Variants in MTG1 observed in about 807,000 individuals in gnomAD.
The protein encoded by MTG1 is mitochondrial ribosome-associated GTPase 1.
Under a neutral mutation model 39.5 loss-of-function variants are expected in MTG1, and 30 were observed. The observed-to-expected ratio is 0.76, with a 90% CI of 0.57 to 1.03. The LOEUF (loss-of-function observed/expected upper bound fraction) is 1.03, where lower values mean the gene tolerates loss of function less well. MTG1 is among the 50% of genes least tolerant of loss of function. The probability of loss-of-function intolerance (pLI) is 0.00; values close to 1 mark genes in which losing one functional copy is unlikely to be tolerated. For missense variants in MTG1, 513 were observed against 447.4 expected (o/e 1.15, Z -1.32); for synonymous variants, 217 against 179.0 (o/e 1.21, Z -1.69).
chr10:133,398,457 G>GA lies in MTG1; in HGVS notation c.306dup (p.Glu103ArgfsTer15). ...CAGAAAATTATGCAACACTTAGAAG[G>GA]AGAAGGCCTAAAAAATGTCATTTTT... On this transcript the variant is annotated frameshift_variant, in exon 4 of 11. Coordinates refer to ENST00000317502, the MANE Select transcript of MTG1 (RefSeq NM_138384.4). LOFTEE classifies it high-confidence loss of function. The GA allele has an allele frequency of 1.2e-6, 2 of 1,613,132 alleles. No individual in the cohort carries two copies. Among genetic ancestry groups the GA allele is most frequent in the Non-Finnish European group, 1.7e-6 (2 of 1,179,798 alleles).
intron 9 of MTG1, among the ~76,000 whole-genome samples, chr10:133,411,850 C>T (rs1850051873): frequency 6.7e-6 from 1 of 150,204 alleles, no homozygotes; most frequent in African/African-American, 2.5e-5. Context: ...AGTTGTTTTT[C>T]TGTGTTTTAT....
At chr10:133,413,170 G>A (rs1241801250) in intron 9 of MTG1, among the ~76,000 whole-genome samples, 1 of 152,144 alleles carries the variant, frequency 6.6e-6, no homozygotes, top group East Asian at 1.9e-4. Context: ...GAGTGCAGAG[G>A]TACAATGTTG....
At position 133,402,051 on chromosome 10, in the gene MTG1, G is replaced by A. The variant is rs1041433638; in HGVS notation, c.574-98G>A. 66 of 1,464,368 alleles carry A rather than the reference G, an allele frequency of 4.5e-5. No individual in the cohort carries two copies. In the East Asian group the frequency reaches 7.1e-4, roughly 16 times the overall value. The allele number at this position is 1,464,368 out of a possible 1,614,324, so 90.7% of individuals were successfully genotyped here. On this transcript the variant is annotated intron_variant, in intron 7 of 10. Coordinates refer to ENST00000317502, the MANE Select transcript of MTG1 (RefSeq NM_138384.4). This position sits in a 1 kb window ranked among gnomAD's most constrained non-coding sequence, Gnocchi z 4.7. ...GGGTTGGGTCCCTGAGGCCTTCCTCGGAGCATTGGGTGCCAGGGGCTGCCC... is the reference window on the plus strand; with the variant it reads ...GGGTTGGGTCCCTGAGGCCTTCCTCAGAGCATTGGGTGCCAGGGGCTGCCC...
intron 4 of MTG1, among the ~76,000 whole-genome samples, 173 bp downstream of exon 4, chr10:133,398,688 T>C (rs529832627): frequency 4.5e-4 from 68 of 152,288 alleles, no homozygotes; most frequent in African/African-American, 1.6e-3. Flanking sequence ...CTCCCTGTAC[T>C]GAGGGCACAA....
At chr10:133,413,132 A>G (rs1362557435) in intron 9 of MTG1, among the ~76,000 whole-genome samples, 1 of 151,904 alleles carries the variant, frequency 6.6e-6, no homozygotes, top group Non-Finnish European at 1.5e-5. Flanking sequence ...TTTTTTTGAG[A>G]CAGAGTCTCA....
chr10:133,404,311 GA>G (rs1415327457), intron 9 of MTG1, among the ~76,000 whole-genome samples: 2 of 151,772 alleles, frequency 1.3e-5, no homozygotes, highest in East Asian at 1.9e-4. Context: ...ATTTTTTGTA[GA>G]GACAGGGTTT....
rs190130537 is a variant in MTG1 at position 133,396,185 on chromosome 10, C to G, written c.200C>G (p.Pro67Arg). ...CACATCCCACTTTCAGGCCGCAACC[C>G]TCTGTTTCAGGAAACCCTTGGGCTT... ...DARIPLSGRN[P>R]LFQETLGLKP... The change falls in exon 3 of 11, where the codon CCT becomes CGT. Residue 67 changes from proline to arginine, a missense_variant. Transcript: ENST00000317502. 68 of 1,614,172 alleles carry G rather than the reference C, an allele frequency of 4.2e-5. 1 individual carries two copies. The Admixed American group carries it at 1.1e-3, about 25-fold the overall frequency.
chr10:133,394,806 T>C, intron 1 of MTG1: 1 of 939,026 alleles, frequency 1.1e-6, no homozygotes, highest in Non-Finnish European at 1.3e-6. Context: ...ATTCTTACTG[T>C]TTGTCACAAT....
chr10:133,416,929 T>C (rs1350925757), intron 9 of MTG1, among the ~76,000 whole-genome samples: 1 of 152,016 alleles, frequency 6.6e-6, no homozygotes, highest in Non-Finnish European at 1.5e-5. Context: ...AGTAATGGGA[T>C]AGCTGGGTCA....
At chr10:133,395,928 T>A in intron 2 of MTG1, 151 bp downstream of exon 2, 1 of 870,340 alleles carries the variant, frequency 1.1e-6, no homozygotes, top group Non-Finnish European at 1.8e-6. Context: ...ACTGCGTGTC[T>A]TTGAAACTTC....
chr10:133,394,475 C>G lies in MTG1; in HGVS notation c.112+143C>G, dbSNP rs953872855. On this transcript the variant is annotated intron_variant, in intron 1 of 10. Coordinates refer to ENST00000317502, the MANE Select transcript of MTG1 (RefSeq NM_138384.4). ...CTCCTCCCTTGTCTCCCCTCCTTCC[C>G]CGCTCTCACCCGCTCCCGGAGCCGC... The G allele has an allele frequency of 2.9e-5, 39 of 1,337,786 alleles. No homozygotes were observed. In the African/African-American group the frequency reaches 4.9e-4, roughly 17 times the overall value. 82.9% of individuals were successfully genotyped at this position (1,337,786 alleles called of 1,614,324 possible).
chr10:133,403,852 C>T (rs1364892507), intron 9 of MTG1, among the ~76,000 whole-genome samples: 1 of 152,112 alleles, frequency 6.6e-6, no homozygotes, highest in East Asian at 1.9e-4. Flanking sequence ...GAAACCGCCA[C>T]ATTGTTTTCC....
chr10:133,397,733 C>T (rs1171132206), intron 3 of MTG1, among the ~76,000 whole-genome samples: 1 of 150,956 alleles, frequency 6.6e-6, no homozygotes, highest in Non-Finnish European at 1.5e-5. Flanking sequence ...CCGCCTCGGC[C>T]TCCCAAAGTG....
chr10:133,411,466 A>G (rs1850045553), intron 9 of MTG1, among the ~76,000 whole-genome samples: 2 of 152,130 alleles, frequency 1.3e-5, no homozygotes, highest in African/African-American at 4.8e-5. Flanking sequence ...ACCTCCCTGT[A>G]CCTGGACATT....
chr10:133,394,969 A>T (rs958919099), intron 1 of MTG1, among the ~76,000 whole-genome samples: 1 of 151,960 alleles, frequency 6.6e-6, no homozygotes, highest in Non-Finnish European at 1.5e-5. Context: ...ATAACACTGG[A>T]GGGGAAGAAA....
chr10:133,395,879 T>A lies in MTG1; in HGVS notation c.177+102T>A, dbSNP rs1262802053. ...AAAAATATGAATTGCGAGGCCCCTTTCTAGACCAGTTAATCAGAATCTGTG... is the reference window on the plus strand; with the variant it reads ...AAAAATATGAATTGCGAGGCCCCTTACTAGACCAGTTAATCAGAATCTGTG... On this transcript the variant is annotated intron_variant, in intron 2 of 10. Coordinates refer to ENST00000317502, the MANE Select transcript of MTG1 (RefSeq NM_138384.4). 1.4e-5 allele frequency: 17 copies of A among 1,190,082 alleles called. No homozygotes were observed. In the Admixed American group the frequency reaches 2.0e-4, roughly 14 times the overall value. The allele number at this position is 1,190,082 out of a possible 1,614,324, so 73.7% of individuals were successfully genotyped here. A position where few individuals can be genotyped will look rare whatever the true frequency, so the allele number is the denominator to read the frequency against.
chr10:133,398,846 C>T (rs763114065), intron 4 of MTG1, among the ~76,000 whole-genome samples: 3 of 152,112 alleles, frequency 2.0e-5, no homozygotes, highest in East Asian at 1.9e-4. Context: ...ACTGAAGCCC[C>T]GGGTCTGCCC....
intron 9 of MTG1, among the ~76,000 whole-genome samples, chr10:133,415,360 GA>G (rs1850109950): frequency 6.6e-6 from 1 of 152,120 alleles, no homozygotes; most frequent in Non-Finnish European, 1.5e-5. Flanking sequence ...TGCTAGTGAT[GA>G]ATTCTTTCAG....
rs766314354 is a variant in MTG1, at chr10:133,399,133, GA to G, written c.364-36del. ...GGAGCGGGTCAGTGCACAGACGTCC[GA>G]CCTGGGGTGGCTCCATGAGTGGGTG... On this transcript the variant is annotated intron_variant, in intron 4 of 10. Coordinates refer to ENST00000317502, the MANE Select transcript of MTG1 (RefSeq NM_138384.4). The G allele has an allele frequency of 7.4e-6, 12 of 1,613,764 alleles. No individual in the cohort carries two copies. In the African/African-American group the frequency reaches 1.3e-4, roughly 18 times the overall value.
Sources: allele counts gnomAD v4.1 joint callset (sites outside exome capture counted in the v4.1 genomes callset), GRCh38; gene constraint gnomAD v4.1.1; non-coding constraint Gnocchi (gnomAD v3.1); transcripts MANE v1.5; gene names NCBI Gene and HGNC (gene_info 2026-07-23, HGNC 2026-07-21).